TRMO: variants seen among roughly 807,000 people sequenced by gnomAD.
The protein encoded by TRMO is tRNA methyltransferase O, also known as tRNA (adenine(37)-N6)-methyltransferase.
In TRMO, 30 loss-of-function variants were observed where a neutral mutation model predicts 37.2. That is an observed-to-expected ratio of 0.81 (90% CI 0.60 to 1.09). The LOEUF (loss-of-function observed/expected upper bound fraction) is 1.09, where lower values mean the gene tolerates loss of function less well. TRMO is among the 50% of genes least tolerant of loss of function. TRMO has a pLI of 0.00. For synonymous variants in TRMO, 239 were observed against 199.4 expected (o/e 1.20, Z -1.67); for missense variants, 552 against 549.5 (o/e 1.00, Z -0.05).
At chr9:97,906,157 CAAAA>C (rs34793206) in intron 4 of TRMO, among the ~76,000 whole-genome samples, 1 of 133,478 alleles carries the variant, frequency 7.5e-6, no homozygotes, top group Admixed American at 7.5e-5. Flanking sequence ...GACTGTATCT[CAAAA>C]AAAAAAAAAA....
chr9:97,904,190 T>C (rs1203550228), downstream of TRMO, among the ~76,000 whole-genome samples: 1 of 152,216 alleles, frequency 6.6e-6, no homozygotes, highest in Non-Finnish European at 1.5e-5. Context: ...GTCTCTATTT[T>C]AGAATCAGTA....
intron 4 of TRMO, among the ~76,000 whole-genome samples, chr9:97,905,411 G>A (rs1462577176): frequency 6.6e-6 from 1 of 152,096 alleles, no homozygotes; most frequent in Non-Finnish European, 1.5e-5. Flanking sequence ...CCACAAGAAA[G>A]AGAACTAAAC....
At chr9:97,913,698 T>C (rs1826232061) in intron 2 of TRMO, 140 bp from the exon 3 acceptor site, 4 of 606,842 alleles carry the variant, frequency 6.6e-6, no homozygotes, top group African/African-American at 1.9e-5. Context: ...ACTTGTCATC[T>C]GGTAGGAAGA....
At chr9:97,922,307 A>T in intron 1 of TRMO, 111 bp downstream of exon 1, 1 of 733,478 alleles carries the variant, frequency 1.4e-6, no homozygotes, top group South Asian at 1.7e-5. Context: ...TAGGTAAAAG[A>T]ATGACGCACG....
At chr9:97,913,084 T>C in intron 3 of TRMO, 1 of 515,160 alleles carries the variant, frequency 1.9e-6, no homozygotes, top group Non-Finnish European at 3.6e-6. Context: ...TTAATCATTT[T>C]GTATTTACTG....
At chr9:97,908,617 C>A (rs776366731) in intron 4 of TRMO, among the ~76,000 whole-genome samples, 2 of 152,012 alleles carry the variant, frequency 1.3e-5, no homozygotes, top group African/African-American at 2.4e-5. Context: ...TAACAACACT[C>A]CAAGCCTGCT....
intron 3 of TRMO, chr9:97,912,651 T>C (rs1272140863): frequency 1.0e-5 from 3 of 294,436 alleles, no homozygotes; most frequent in Middle Eastern, 2.3e-3. Flanking sequence ...ATTCTCAAAA[T>C]ATTCTGTGGA....
chr9:97,899,346 C>A, the TRMO span, among the ~76,000 whole-genome samples: 3 of 152,080 alleles, frequency 2.0e-5, no homozygotes, highest in Non-Finnish European at 4.4e-5. Context: ...TAACTGAATC[C>A]TTTAGGGAGG....
intron 2 of TRMO, 82 bp from the exon 3 acceptor site, chr9:97,913,640 A>G (rs1681691032): frequency 2.2e-6 from 2 of 904,594 alleles, no homozygotes; most frequent in African/African-American, 3.3e-5. Context: ...TGGGGAAAAA[A>G]ATGCAATCTC....
chr9:97,913,218 T>A, intron 3 of TRMO, 183 bp downstream of exon 3: 1 of 487,896 alleles, frequency 2.0e-6, no homozygotes, highest in Non-Finnish European at 3.7e-6. Context: ...TCCTATGAGT[T>A]TATTTCAACA....
intron 4 of TRMO, among the ~76,000 whole-genome samples, chr9:97,909,616 A>C (rs922019039): frequency 6.6e-6 from 1 of 152,228 alleles, no homozygotes; most frequent in Non-Finnish European, 1.5e-5. Context: ...CTTTATGTAC[A>C]TAAGTATAGA....
chr9:97,900,657 C>T (rs1831149669), downstream of TRMO: 11 of 419,964 alleles, frequency 2.6e-5, no homozygotes, highest in South Asian at 7.9e-4. Flanking sequence ...AGCTTGAGCA[C>T]GTTACTCAAC....
chr9:97,914,768 C>G (rs974296585), intron 2 of TRMO, among the ~76,000 whole-genome samples: 2 of 151,982 alleles, frequency 1.3e-5, no homozygotes, highest in Non-Finnish European at 2.9e-5. Flanking sequence ...TTAAAAAAAG[C>G]AAATACCCAC....
At chr9:97,900,366 G>A (rs561693733), downstream of TRMO, among the ~76,000 whole-genome samples, 1 of 152,358 alleles carries the variant, frequency 6.6e-6, no homozygotes, top group Admixed American at 6.5e-5. Flanking sequence ...TGAAGTTTCT[G>A]AGGCCAAGCC....
chr9:97,914,095 A>G (rs1826248568), intron 2 of TRMO: 1 of 152,856 alleles, frequency 6.5e-6, no homozygotes, highest in African/African-American at 2.4e-5. Context: ...AAATCATTAC[A>G]TTTATGTACT....
intron 4 of TRMO, among the ~76,000 whole-genome samples, chr9:97,907,694 T>C (rs934117951): frequency 2.0e-5 from 3 of 152,112 alleles, no homozygotes; most frequent in Non-Finnish European, 4.4e-5. Flanking sequence ...CCTCTGCCTT[T>C]TACTTCTCCC....
At position 97,910,252 on chromosome 9, in the gene TRMO, T is replaced by G; in HGVS notation, c.774A>C (p.Ser258=). ...CCACGCTGGAACTCTGATCACGTCT[T>G]GATTCCAAACCAAAATCCACTGCTA... is the stretch of plus-strand genomic sequence containing the variant. The part of the protein sequence containing the change: ...REIAVDFGLE[S]RRDQSSSVAE... The change falls in exon 4 of 5, where the codon TCA becomes TCC. Residue 258 remains serine (S), a synonymous_variant. Coordinates refer to ENST00000375119, the MANE Select transcript of TRMO (RefSeq NM_016481.5). 1 of 1,614,250 alleles carries G rather than the reference T, an allele frequency of 6.2e-7. No individual in the cohort carries two copies. Among genetic ancestry groups the G allele is most frequent in the Non-Finnish European group, 8.5e-7 (1 of 1,180,042 alleles).
rs75106231 is a variant in TRMO at position 97,922,092 on chromosome 9, C to T, written c.76+326G>A. Among the ~76,000 whole-genome samples, 381 of 152,290 alleles carry T rather than the reference C, an allele frequency of 2.5e-3. 7 individuals are homozygous for T. The East Asian group carries it at 0.057, about 23-fold the overall frequency. ...TCTATGGCATTTATTAATTCCTAAC[C>T]CGCCTAACACCATCTCCCATACGCT... On this transcript the variant is annotated intron_variant, in intron 1 of 4. Transcript: ENST00000375119.
chr9:97,897,856 T>G, the TRMO span, among the ~76,000 whole-genome samples: 3 of 152,094 alleles, frequency 2.0e-5, no homozygotes, highest in Non-Finnish European at 4.4e-5. Flanking sequence ...TTTAAAAAAT[T>G]TTTTTTAAAT....
Sources: allele counts gnomAD v4.1 joint callset (sites outside exome capture counted in the v4.1 genomes callset), GRCh38; gene constraint gnomAD v4.1.1; transcripts MANE v1.5; gene names NCBI Gene and HGNC (gene_info 2026-07-23, HGNC 2026-07-21).